Variants in DNAH5 observed in about 807,000 individuals in gnomAD.
DNAH5 encodes axonemal beta dynein heavy chain 5.
In DNAH5, 372 loss-of-function variants were observed where a neutral mutation model predicts 518.2. That is an observed-to-expected ratio of 0.72 (90% CI 0.66 to 0.78). The LOEUF (loss-of-function observed/expected upper bound fraction) is 0.78. DNAH5 is among the 30% of genes least tolerant of loss of function. The pLI is 0.00. For missense variants in DNAH5, 5,523 were observed against 5,687.0 expected (o/e 0.97, Z 0.93); for synonymous variants, 2,039 against 2,025.9 (o/e 1.01, Z -0.17).
chr5:13,841,379 G>A (rs1765139005), intron 33 of DNAH5, among the ~76,000 whole-genome samples: 1 of 151,968 alleles, frequency 6.6e-6, no homozygotes, highest in Non-Finnish European at 1.5e-5. Context: ...TTAGTAAAGT[G>A]TTCAATCAGT....
At chr5:13,719,889 T>A (rs1744811404) in intron 71 of DNAH5, among the ~76,000 whole-genome samples, 1 of 152,166 alleles carries the variant, frequency 6.6e-6, no homozygotes, top group Admixed American at 6.5e-5. Context: ...AAGCCATATA[T>A]TTTGCCTGAA....
chr5:13,790,894 A>C (rs1756876215), intron 50 of DNAH5, among the ~76,000 whole-genome samples: 1 of 152,142 alleles, frequency 6.6e-6, no homozygotes, highest in Admixed American at 6.6e-5. Flanking sequence ...CAAAGACAGA[A>C]ATGGCAGACA....
At chr5:13,726,053 T>C (rs1248831653) in intron 70 of DNAH5, among the ~76,000 whole-genome samples, 1 of 152,234 alleles carries the variant, frequency 6.6e-6, no homozygotes, top group African/African-American at 2.4e-5. Flanking sequence ...ACAGTCACAC[T>C]CAGCCAAAAT....
At chr5:13,821,815 T>C (rs1304303605) in intron 40 of DNAH5, among the ~76,000 whole-genome samples, 2 of 152,146 alleles carry the variant, frequency 1.3e-5, no homozygotes, top group Non-Finnish European at 2.9e-5. Flanking sequence ...TTTTTAGAGA[T>C]AGAGTCTCAT....
intron 14 of DNAH5, among the ~76,000 whole-genome samples, chr5:13,901,018 T>C (rs563462684): frequency 2.6e-5 from 4 of 152,374 alleles, no homozygotes; most frequent in South Asian, 2.1e-4. Context: ...CTTCTCACTT[T>C]GGAGTTCGTA....
At chr5:13,901,158 A>G (rs936136386) in intron 14 of DNAH5, 94 bp downstream of exon 14, 64 of 1,390,522 alleles carry the variant, frequency 4.6e-5, no homozygotes, top group Admixed American at 2.8e-4. Flanking sequence ...AAACACCTAC[A>G]AATCCAGCTT....
intron 1 of DNAH5, among the ~76,000 whole-genome samples, chr5:13,991,772 G>C (rs568349794): frequency 1.3e-5 from 2 of 152,200 alleles, no homozygotes; most frequent in East Asian, 3.9e-4. Context: ...AATATATCTT[G>C]AAAACCCATG....
At chr5:13,974,094 C>A (rs1782061228) in intron 1 of DNAH5, among the ~76,000 whole-genome samples, 1 of 151,516 alleles carries the variant, frequency 6.6e-6, no homozygotes, top group Non-Finnish European at 1.5e-5. Flanking sequence ...GAATAAACAT[C>A]ATTTTCTTTT....
intron 1 of DNAH5, among the ~76,000 whole-genome samples, chr5:13,951,973 T>C (rs559325683): frequency 3.4e-4 from 52 of 152,354 alleles, no homozygotes; most frequent in African/African-American, 1.2e-3. Flanking sequence ...TGTCTTCCTA[T>C]AGAAAGATTT....
chr5:13,935,324 A>G (rs943716495), intron 1 of DNAH5, among the ~76,000 whole-genome samples: 1 of 152,210 alleles, frequency 6.6e-6, no homozygotes, highest in African/African-American at 2.4e-5. Flanking sequence ...CTAATGAAAA[A>G]GAGGGAAATC....
chr5:13,830,892 C>T, intron 35 of DNAH5, 117 bp from the exon 36 acceptor site: 1 of 956,144 alleles, frequency 1.0e-6, no homozygotes, highest in Non-Finnish European at 1.6e-6. Context: ...TTGTCCCTAC[C>T]TAACATTTCG....
chr5:13,728,609 C>T (rs1579938695), intron 69 of DNAH5, among the ~76,000 whole-genome samples: 1 of 152,036 alleles, frequency 6.6e-6, no homozygotes, highest in Non-Finnish European at 1.5e-5. Context: ...GGTTTGTACC[C>T]CTAAGTACAT....
intron 68 of DNAH5, 137 bp downstream of exon 68, chr5:13,734,994 C>T (rs552878840): frequency 1.3e-6 from 1 of 795,738 alleles, no homozygotes; most frequent in East Asian, 2.7e-5. Flanking sequence ...AAGAAAAGAA[C>T]AAATAAAATA....
intron 76 of DNAH5, among the ~76,000 whole-genome samples, chr5:13,706,519 T>C (rs1742809651): frequency 6.6e-6 from 1 of 152,136 alleles, no homozygotes; most frequent in Admixed American, 6.5e-5. Flanking sequence ...TTCCTACGTA[T>C]TTTTTCACCA....
At chr5:13,747,583 C>G (rs1203695863) in intron 65 of DNAH5, among the ~76,000 whole-genome samples, 2 of 152,218 alleles carry the variant, frequency 1.3e-5, no homozygotes, top group Non-Finnish European at 2.9e-5. Context: ...GCCATTCTAA[C>G]TGGTGTGAGA....
chr5:13,996,105 G>A (rs2152078476), intron 1 of DNAH5, among the ~76,000 whole-genome samples: 1 of 152,216 alleles, frequency 6.6e-6, no homozygotes, highest in Admixed American at 6.5e-5. Flanking sequence ...GGCCACTCTG[G>A]GCACCTCTGA....
Position 13,753,381 on chromosome 5 carries a change from T to G in DNAH5, c.10724A>C (p.Glu3575Ala), listed in dbSNP as rs747896135. The part of the protein sequence containing the change: ...EMLIDAPTIS[E>A]WNLQGLPNDD... ...ATTTGGCAGACCTTGGAGGTTCCAT[T>G]CACTAATAGTAGGAGCATCAATCAA... The change falls in exon 63 of 79, where the codon GAA becomes GCA. Residue 3575 changes from glutamate to alanine, a missense_variant. By Grantham distance (107) the Glu-to-Ala change is moderately radical. Transcript: ENST00000265104. 1 of 1,614,100 alleles carries G rather than the reference T, an allele frequency of 6.2e-7. No individual in the cohort carries two copies. Among genetic ancestry groups the G allele is most frequent in the South Asian group, 1.1e-5 (1 of 91,070 alleles).
chr5:13,702,839 G>C (rs1742294017), intron 76 of DNAH5, among the ~76,000 whole-genome samples: 1 of 152,002 alleles, frequency 6.6e-6, no homozygotes, highest in Non-Finnish European at 1.5e-5. Flanking sequence ...CTGAAGCCCG[G>C]GATGACATAC....
intron 1 of DNAH5, among the ~76,000 whole-genome samples, chr5:14,001,403 G>A (rs536357168): frequency 4.6e-5 from 7 of 152,202 alleles, no homozygotes; most frequent in Middle Eastern, 6.8e-3. Flanking sequence ...TCACTCTGTC[G>A]TCCAGACTGG....
Sources: gnomAD v4.1 joint callset for allele counts (sites outside exome capture counted in the v4.1 genomes callset) on GRCh38, gnomAD v4.1.1 for gene constraint, MANE v1.5 for transcripts, NCBI Gene and HGNC (gene_info 2026-07-23, HGNC 2026-07-21) for gene names.